NRXN1: variants seen among roughly 807,000 people sequenced by gnomAD.
NRXN1 encodes neurexin 1.
In NRXN1, 39 loss-of-function variants were observed where a neutral mutation model predicts 150.9. That is an observed-to-expected ratio of 0.26 (90% CI 0.20 to 0.34). The LOEUF is 0.34. Among genes scored for constraint, NRXN1 ranks in the 10% least tolerant of loss-of-function variants. NRXN1 has a pLI of 1.00. For missense variants in NRXN1, 1,815 were observed against 1,949.9 expected (o/e 0.93, Z 1.30); for synonymous variants, 924 against 757.0 (o/e 1.22, Z -3.62).
chr2:50,410,145 A>T (rs2083042932), intron 17 of NRXN1, among the ~76,000 whole-genome samples: 1 of 152,076 alleles, frequency 6.6e-6, no homozygotes, highest in Non-Finnish European at 1.5e-5. Context: ...CGACAATCCT[A>T]TTCTCCAATA....
chr2:50,993,479 T>C (rs1440427020), intron 2 of NRXN1, among the ~76,000 whole-genome samples: 2 of 151,960 alleles, frequency 1.3e-5, no homozygotes, highest in Admixed American at 6.6e-5. Context: ...CCTTCTTTAG[T>C]CACTGCCTGA....
At chr2:50,633,420 T>A (rs1001791255) in intron 5 of NRXN1, among the ~76,000 whole-genome samples, 4 of 152,086 alleles carry the variant, frequency 2.6e-5, no homozygotes, top group Non-Finnish European at 4.4e-5. Context: ...ATAAGTGTAA[T>A]GAGAAATCAT....
chr2:50,132,728 C>G (rs1287048922), intron 18 of NRXN1, among the ~76,000 whole-genome samples: 1 of 152,086 alleles, frequency 6.6e-6, no homozygotes, highest in Admixed American at 6.5e-5. Flanking sequence ...GAAACCTTGA[C>G]TTTCTTCCAG....
intron 17 of NRXN1, among the ~76,000 whole-genome samples, chr2:50,321,478 T>C (rs765108730): frequency 2.0e-5 from 3 of 152,186 alleles, no homozygotes; most frequent in African/African-American, 7.2e-5. Flanking sequence ...TAACATAATG[T>C]ATACCTTTGA....
At chr2:50,703,238 T>C (rs1228717066) in intron 5 of NRXN1, among the ~76,000 whole-genome samples, 2 of 151,944 alleles carry the variant, frequency 1.3e-5, no homozygotes, top group Non-Finnish European at 1.5e-5. Flanking sequence ...AAACTCCTAA[T>C]AGTGAGACAG....
At chr2:49,943,645 A>G (rs1672397351) in intron 22 of NRXN1, 59 bp downstream of exon 22, 7 of 1,163,958 alleles carry the variant, frequency 6.0e-6, no homozygotes, top group African/African-American at 1.5e-5. Context: ...TCTAAGGAAT[A>G]TAACATGCAA....
intron 5 of NRXN1, chr2:50,637,434 C>T (rs1208724527): frequency 1.3e-5 from 2 of 152,210 alleles, no homozygotes; most frequent in Non-Finnish European, 2.9e-5. Context: ...AGACAGACTC[C>T]TTAGGGTTTT....
intron 12 of NRXN1, among the ~76,000 whole-genome samples, chr2:50,515,144 T>C (rs1429289126): frequency 6.6e-6 from 1 of 152,150 alleles, no homozygotes; most frequent in South Asian, 2.1e-4. Flanking sequence ...AGATCAGCAG[T>C]GACAACCGAT....
chr2:50,106,417 C>A (rs1701648477), intron 18 of NRXN1, among the ~76,000 whole-genome samples: 1 of 151,928 alleles, frequency 6.6e-6, no homozygotes, highest in Admixed American at 6.6e-5. Context: ...AAAGAATATG[C>A]TTTGATGTGA....
intron 18 of NRXN1, among the ~76,000 whole-genome samples, chr2:50,100,945 G>GATTA (rs1700897015): frequency 6.6e-6 from 1 of 152,010 alleles, no homozygotes; most frequent in Non-Finnish European, 1.5e-5. Flanking sequence ...ATTTTTCACA[G>GATTA]GTAATACTTT....
chr2:50,106,218 C>A (rs1491003395), intron 18 of NRXN1, among the ~76,000 whole-genome samples: 2 of 151,730 alleles, frequency 1.3e-5, no homozygotes, highest in African/African-American at 2.4e-5. Flanking sequence ...ACCATCTTTT[C>A]TTTCTCCCCA....
chr2:50,237,587 C>A (rs1250287901), intron 17 of NRXN1, among the ~76,000 whole-genome samples: 1 of 151,498 alleles, frequency 6.6e-6, no homozygotes, highest in Non-Finnish European at 1.5e-5. Context: ...TAGTAGCTGT[C>A]AAACTATTCA....
At chr2:50,230,707 A>G (rs11681846) in intron 18 of NRXN1, among the ~76,000 whole-genome samples, 24,351 of 151,958 alleles carry the variant, frequency 0.16, 2,418 homozygotes, top group African/African-American at 0.28. Context: ...GAAACCAAAA[A>G]CATAGAGATT....
intron 5 of NRXN1, among the ~76,000 whole-genome samples, chr2:50,911,414 A>G (rs917261863): frequency 5.9e-5 from 9 of 151,574 alleles, no homozygotes; most frequent in African/African-American, 1.9e-4. Flanking sequence ...ATACATTTCC[A>G]TATAATTTCT....
At chr2:50,099,084 T>C (rs1700666950) in intron 18 of NRXN1, among the ~76,000 whole-genome samples, 1 of 152,190 alleles carries the variant, frequency 6.6e-6, no homozygotes, top group East Asian at 1.9e-4. Flanking sequence ...GCTCCTTCAA[T>C]GAGACTATAT....
intron 17 of NRXN1, among the ~76,000 whole-genome samples, chr2:50,320,027 G>A (rs868700809): frequency 4.0e-5 from 6 of 151,526 alleles, no homozygotes; most frequent in Non-Finnish European, 7.4e-5. Context: ...CAGTGTTATC[G>A]AAACCTAACA....
At position 50,053,274 on chromosome 2, in the gene NRXN1, G is replaced by C. The variant is rs1039999157; in HGVS notation, c.4125C>G (p.Ser1375Arg). 3 of 1,613,784 alleles carry C rather than the reference G, an allele frequency of 1.9e-6. No individual in the cohort carries two copies. In the Admixed American group the frequency reaches 5.0e-5, roughly 27 times the overall value. Residue 1375 changes from serine to arginine, a missense_variant, in exon 21 of 23, where the codon AGC becomes AGG. Ser to Arg is a moderately radical substitution (Grantham distance 110). Coordinates refer to ENST00000401669, the MANE Select transcript of NRXN1 (RefSeq NM_001330078.2). Reference protein sequence around the residue: ...RGKPPTKEPISQTTDDILVAS... With the variant: ...RGKPPTKEPIRQTTDDILVAS... ...GGAATAAAATCCACAGGCTCACCTG[G>C]CTAATGGGTTCTTTTGTCGGGGGCT... is the stretch of plus-strand genomic sequence containing the variant.
chr2:50,933,556 T>C (rs780180373), intron 2 of NRXN1, among the ~76,000 whole-genome samples: 1 of 152,120 alleles, frequency 6.6e-6, no homozygotes, highest in South Asian at 2.1e-4. Flanking sequence ...AGTTTGTTCA[T>C]AGGTACAACC....
chr2:50,929,960 G>A (rs1215082278), intron 2 of NRXN1, among the ~76,000 whole-genome samples: 4 of 152,028 alleles, frequency 2.6e-5, no homozygotes, highest in East Asian at 1.9e-4. Flanking sequence ...ATAGAAATGC[G>A]GCCCAGAACC....
Sources: gnomAD v4.1 joint callset for allele counts (sites outside exome capture counted in the v4.1 genomes callset) on GRCh38, gnomAD v4.1.1 for gene constraint, MANE v1.5 for transcripts, NCBI Gene and HGNC (gene_info 2026-07-23, HGNC 2026-07-21) for gene names.